Variants in SPOCK3 observed in about 807,000 individuals in gnomAD.
SPOCK3 encodes the protein SPARC (osteonectin), cwcv and kazal like domains proteoglycan 3.
SPOCK3 carries 30 observed loss-of-function variants against 56.6 expected under a neutral mutation model. That is an observed-to-expected ratio of 0.53 (90% CI 0.40 to 0.72). The LOEUF (loss-of-function observed/expected upper bound fraction) is 0.72, where lower values mean the gene tolerates loss of function less well. Among genes scored for constraint, SPOCK3 ranks in the 30% least tolerant of loss-of-function variants. The probability of loss-of-function intolerance (pLI) is 0.00; values close to 1 mark genes in which losing one functional copy is unlikely to be tolerated. For synonymous variants in SPOCK3, 196 were observed against 183.3 expected, an observed-to-expected ratio of 1.07 and a Z score of -0.56; for missense variants, 527 against 530.0, an observed-to-expected ratio of 0.99 and a Z score of 0.06.
intron 3 of SPOCK3, among the ~76,000 whole-genome samples, chr4:167,033,236 C>T (rs928749329): frequency 6.6e-6 from 1 of 151,368 alleles, no homozygotes; most frequent in African/African-American, 2.4e-5. Context: ...AGTAATTCAC[C>T]ACTGAGCATT....
chr4:167,130,120 G>A (rs942198325), intron 2 of SPOCK3, among the ~76,000 whole-genome samples: 7 of 152,148 alleles, frequency 4.6e-5, no homozygotes, highest in South Asian at 2.1e-4. Flanking sequence ...GGCTCAAGCC[G>A]TCTTCCCCGC....
chr4:167,205,895 C>G (rs1734280931), intron 2 of SPOCK3, among the ~76,000 whole-genome samples: 1 of 151,618 alleles, frequency 6.6e-6, no homozygotes, highest in Non-Finnish European at 1.5e-5. Flanking sequence ...AGGCATAAGC[C>G]ACCGCATCCA....
chr4:166,892,176 T>C (rs1008603216), intron 5 of SPOCK3, among the ~76,000 whole-genome samples: 4 of 152,024 alleles, frequency 2.6e-5, no homozygotes, highest in Non-Finnish European at 5.9e-5. Flanking sequence ...TAATTCTTCA[T>C]CAAAATATGT....
chr4:167,080,881 T>TC (rs1229771833), intron 2 of SPOCK3, among the ~76,000 whole-genome samples: 17 of 147,962 alleles, frequency 1.1e-4, no homozygotes, highest in African/African-American at 4.2e-4. Context: ...TTTCTTTCTT[T>TC]TTTTTTTTTT....
chr4:166,883,932 T>A (rs892138997), intron 6 of SPOCK3, among the ~76,000 whole-genome samples: 1 of 152,216 alleles, frequency 6.6e-6, no homozygotes, highest in Non-Finnish European at 1.5e-5. Context: ...TAGTTCACTA[T>A]TATCTTTCCT....
chr4:166,983,777 A>C (rs1270710195), intron 4 of SPOCK3, among the ~76,000 whole-genome samples: 1 of 152,086 alleles, frequency 6.6e-6, no homozygotes, highest in African/African-American at 2.4e-5. Context: ...ATGTGGAATT[A>C]TGTAGTTATC....
intron 3 of SPOCK3, among the ~76,000 whole-genome samples, chr4:167,058,179 G>T (rs1031164257): frequency 1.3e-5 from 2 of 152,194 alleles, no homozygotes; most frequent in Admixed American, 1.3e-4. Context: ...GAAATAAAGG[G>T]TATTCAATTA....
intron 6 of SPOCK3, among the ~76,000 whole-genome samples, chr4:166,832,033 C>T (rs759254103): frequency 8.6e-5 from 13 of 151,882 alleles, no homozygotes; most frequent in South Asian, 4.1e-4. Flanking sequence ...ATTCTGTAGG[C>T]TGTCTGATTA....
intron 2 of SPOCK3, among the ~76,000 whole-genome samples, chr4:167,156,934 C>T (rs1031919933): frequency 1.3e-5 from 2 of 152,072 alleles, no homozygotes; most frequent in African/African-American, 2.4e-5. Context: ...TGAAAATATT[C>T]TGTAATTTTT....
chr4:167,005,195 T>C (rs1163250959), intron 3 of SPOCK3, among the ~76,000 whole-genome samples: 2 of 151,960 alleles, frequency 1.3e-5, no homozygotes, highest in Non-Finnish European at 2.9e-5. Context: ...TAATGGACAA[T>C]GATTTTCTTT....
intron 2 of SPOCK3, among the ~76,000 whole-genome samples, chr4:167,157,265 T>TC (rs1447291287): frequency 5.9e-5 from 9 of 152,188 alleles, no homozygotes; most frequent in African/African-American, 1.9e-4. Context: ...AAGGTTTATC[T>TC]CCCAAGCTCT....
chr4:167,080,744 T>C (rs1355437295), intron 2 of SPOCK3, among the ~76,000 whole-genome samples: 1 of 151,932 alleles, frequency 6.6e-6, no homozygotes, highest in Non-Finnish European at 1.5e-5. Flanking sequence ...ATAAATGGCA[T>C]GTTAGATTAT....
At chr4:166,980,600 C>G (rs1746468872) in intron 4 of SPOCK3, among the ~76,000 whole-genome samples, 2 of 152,238 alleles carry the variant, frequency 1.3e-5, no homozygotes, top group African/African-American at 4.8e-5. Flanking sequence ...GTGCAGGGTG[C>G]TTGCATGAGC....
intron 6 of SPOCK3, among the ~76,000 whole-genome samples, chr4:166,800,499 G>A (rs1742465863): frequency 6.6e-6 from 1 of 152,086 alleles, no homozygotes; most frequent in Non-Finnish European, 1.5e-5. Context: ...GGGACAAGAT[G>A]TGGAGGTGGA....
chr4:166,913,545 G>A (rs1233704119), intron 4 of SPOCK3, among the ~76,000 whole-genome samples: 1 of 152,140 alleles, frequency 6.6e-6, no homozygotes, highest in Non-Finnish European at 1.5e-5. Flanking sequence ...AACTGCTTAT[G>A]GAGAGAGTAA....
intron 2 of SPOCK3, among the ~76,000 whole-genome samples, chr4:167,232,280 T>C (rs1451931872): frequency 6.6e-6 from 1 of 152,002 alleles, no homozygotes; most frequent in Non-Finnish European, 1.5e-5. Flanking sequence ...CTTTTATCTC[T>C]GCTCTCATTG....
intron 6 of SPOCK3, among the ~76,000 whole-genome samples, chr4:166,810,964 T>C (rs1743702265): frequency 6.6e-6 from 1 of 151,928 alleles, no homozygotes; most frequent in African/African-American, 2.4e-5. Flanking sequence ...TTACATTTCT[T>C]CTTTGTTAAT....
chr4:167,150,262 T>G (rs1190746522), intron 2 of SPOCK3, among the ~76,000 whole-genome samples: 1 of 152,126 alleles, frequency 6.6e-6, no homozygotes, highest in Non-Finnish European at 1.5e-5. Context: ...GCATGGTTAG[T>G]CTGAAGGTCA....
At chr4:166,968,744 G>A (rs1333953725) in intron 4 of SPOCK3, among the ~76,000 whole-genome samples, 6 of 152,192 alleles carry the variant, frequency 3.9e-5, no homozygotes, top group Non-Finnish European at 5.9e-5. Flanking sequence ...GGAAATGTGG[G>A]GTTGGAACCC....
Sources: gnomAD v4.1 joint callset for allele counts (sites outside exome capture counted in the v4.1 genomes callset) on GRCh38, gnomAD v4.1.1 for gene constraint, MANE v1.5 for transcripts, NCBI Gene and HGNC (gene_info 2026-07-23, HGNC 2026-07-21) for gene names.